JARID2: variants seen among roughly 807,000 people sequenced by gnomAD.
JARID2 encodes protein Jumonji.
Under a neutral mutation model 125.6 loss-of-function variants are expected in JARID2, and 21 were observed. The observed-to-expected ratio is 0.17, with a 90% CI of 0.12 to 0.24. JARID2 has a LOEUF of 0.24. Ranked by LOEUF, JARID2 falls within the 10% of genes least tolerant of loss-of-function variation. The probability of loss-of-function intolerance (pLI) is 1.00; values close to 1 mark genes in which losing one functional copy is unlikely to be tolerated. For synonymous variants in JARID2, 736 were observed against 661.6 expected (o/e 1.11, Z -1.73); for missense variants, 1,303 against 1,639.6 (o/e 0.79, Z 3.55).
intron 2 of JARID2, among the ~76,000 whole-genome samples, chr6:15,387,320 G>T (rs1311648739): frequency 6.6e-6 from 1 of 152,182 alleles, no homozygotes; most frequent in Non-Finnish European, 1.5e-5. Flanking sequence ...AGCTCAGGCT[G>T]CCATAATAAA....
chr6:15,369,474 C>T (rs1197844949), intron 1 of JARID2, among the ~76,000 whole-genome samples: 2 of 152,128 alleles, frequency 1.3e-5, no homozygotes, highest in Admixed American at 1.3e-4. Context: ...TTAAGCTGAC[C>T]AGTAAACCAG....
chr6:15,439,395 T>C (rs73365243), intron 3 of JARID2, among the ~76,000 whole-genome samples: 1 of 152,328 alleles, frequency 6.6e-6, no homozygotes, highest in African/African-American at 2.4e-5. Flanking sequence ...GGTTATACTT[T>C]TGATCACCCT....
intron 1 of JARID2, among the ~76,000 whole-genome samples, chr6:15,335,109 T>C (rs979905196): frequency 1.4e-4 from 22 of 152,020 alleles, no homozygotes; most frequent in African/African-American, 2.4e-4. Flanking sequence ...TTTTCCTCCT[T>C]CTTCTTTCCA....
intron 3 of JARID2, among the ~76,000 whole-genome samples, chr6:15,438,804 G>A (rs1767323589): frequency 6.6e-6 from 1 of 152,142 alleles, no homozygotes; most frequent in East Asian, 1.9e-4. Context: ...CAAAGCAGGC[G>A]GATTGCCTGA....
intron 3 of JARID2, among the ~76,000 whole-genome samples, chr6:15,414,967 C>T (rs970235984): frequency 9.9e-5 from 15 of 152,154 alleles, no homozygotes; most frequent in Non-Finnish European, 1.8e-4. Flanking sequence ...TGCGGCTTTC[C>T]GCAGTGTTTG....
chr6:15,514,285 C>G (rs1417758030), intron 16 of JARID2, among the ~76,000 whole-genome samples: 1 of 152,230 alleles, frequency 6.6e-6, no homozygotes, highest in East Asian at 1.9e-4. Context: ...CACAGCACTA[C>G]ACACCTTAGC....
chr6:15,396,320 T>C (rs748259560), intron 2 of JARID2, among the ~76,000 whole-genome samples: 1 of 152,248 alleles, frequency 6.6e-6, no homozygotes. Context: ...AATTAATGCC[T>C]CCAACACCAG....
At chr6:15,376,485 G>T (rs1764359233) in intron 2 of JARID2, among the ~76,000 whole-genome samples, 1 of 152,184 alleles carries the variant, frequency 6.6e-6, no homozygotes, top group Admixed American at 6.5e-5. Flanking sequence ...AAAGGCCGAG[G>T]AGGGAGGATT....
intron 1 of JARID2, among the ~76,000 whole-genome samples, chr6:15,249,584 G>C (rs1426848628): frequency 1.3e-5 from 2 of 152,178 alleles, no homozygotes; most frequent in Non-Finnish European, 2.9e-5. Flanking sequence ...TCATGTGCAT[G>C]GAAGATGTAA....
At chr6:15,257,098 A>G (rs1759695093) in intron 1 of JARID2, among the ~76,000 whole-genome samples, 1 of 152,154 alleles carries the variant, frequency 6.6e-6, no homozygotes, top group Admixed American at 6.6e-5. Flanking sequence ...CATGAAATCC[A>G]GGTCCTGATA....
chr6:15,264,680 A>G (rs1468389651), intron 1 of JARID2, among the ~76,000 whole-genome samples: 1 of 151,842 alleles, frequency 6.6e-6, no homozygotes, highest in Non-Finnish European at 1.5e-5. Flanking sequence ...AATATCTAAG[A>G]AGGAGTTAAT....
In JARID2 at chr6:15,487,445, C is replaced by T. The variant is rs375269082; in HGVS notation, c.809C>T (p.Pro270Leu). 36 of 1,614,266 alleles carry T rather than the reference C, an allele frequency of 2.2e-5. No homozygotes were observed. The highest frequency in any genetic ancestry group is 2.9e-5 in the Non-Finnish European group (34 of 1,180,050). The change falls in exon 6 of 18, where the codon CCC (proline) becomes CTC (leucine). Residue 270 changes from proline to leucine, a missense_variant. This residue lies in a region of JARID2 where 651 missense variants were observed against 581.6 expected (regional missense o/e 1.12). Coordinates refer to ENST00000341776, the MANE Select transcript of JARID2 (RefSeq NM_004973.4). ...CGGGAGCAGGCTTCAGCTAACCACC[C>T]CGCAGCGGCCCCCTCCACGGGTTCC... Reference protein sequence around the residue: ...SRREQASANHPAAAPSTGSSA... With the variant: ...SRREQASANHLAAAPSTGSSA...
chr6:15,263,217 A>G (rs1318959598), intron 1 of JARID2, among the ~76,000 whole-genome samples: 1 of 151,802 alleles, frequency 6.6e-6, no homozygotes, highest in Non-Finnish European at 1.5e-5. Context: ...AACCGTAAAC[A>G]CTGGTCACAC....
At chr6:15,483,341 C>T (rs1324478354) in intron 5 of JARID2, among the ~76,000 whole-genome samples, 2 of 151,314 alleles carry the variant, frequency 1.3e-5, no homozygotes, top group African/African-American at 2.4e-5. Context: ...CAGTCATACT[C>T]ACTGTTTGTA....
At chr6:15,411,447 ATTC>A (rs991969997) in intron 3 of JARID2, among the ~76,000 whole-genome samples, 28 of 152,172 alleles carry the variant, frequency 1.8e-4, no homozygotes, top group African/African-American at 6.3e-4. Flanking sequence ...TTGAATCTGT[ATTC>A]TTCTCTCATT....
intron 5 of JARID2, among the ~76,000 whole-genome samples, chr6:15,485,363 TAGA>T (rs1215783789): frequency 8.5e-5 from 13 of 152,316 alleles, no homozygotes; most frequent in Admixed American, 3.9e-4. Flanking sequence ...GAAGGAAACT[TAGA>T]AGATTATTTT....
In JARID2 at chr6:15,261,263, A is replaced by G. The variant is rs535338425; in HGVS notation, c.45+14679A>G. 8.6e-5 allele frequency among the ~76,000 whole-genome samples: 13 copies of G among 151,496 alleles called. No homozygotes were observed. In the East Asian group the frequency reaches 2.1e-3, roughly 25 times the overall value. ...TAACAGCTTGTTTTTCAGGACAGGC[A>G]TTATATACGGTCTATGAAGGCCTTG... On this transcript the variant is annotated intron_variant, in intron 1 of 17. Coordinates refer to ENST00000341776, the MANE Select transcript of JARID2 (RefSeq NM_004973.4).
intron 1 of JARID2, among the ~76,000 whole-genome samples, chr6:15,328,668 A>G (rs1251381727): frequency 6.6e-6 from 1 of 152,232 alleles, no homozygotes; most frequent in Non-Finnish European, 1.5e-5. Context: ...CGTTTACTCC[A>G]GACTTCAGAA....
chr6:15,263,086 G>GTT (rs1759948474), intron 1 of JARID2, among the ~76,000 whole-genome samples: 1 of 137,780 alleles, frequency 7.3e-6, no homozygotes, highest in Non-Finnish European at 1.6e-5. Context: ...GTGTGTGTGT[G>GTT]TGTGTGTGTG....
Sources: allele counts gnomAD v4.1 joint callset (sites outside exome capture counted in the v4.1 genomes callset), GRCh38; gene constraint gnomAD v4.1.1; regional missense constraint gnomAD v4.1.1; transcripts MANE v1.5; gene names NCBI Gene and HGNC (gene_info 2026-07-23, HGNC 2026-07-21).